The following CALCR variants were observed in gnomAD, a reference collection of about 807,000 sequenced individuals.
CALCR encodes calcitonin receptor.
In CALCR, 47 loss-of-function variants were observed where a neutral mutation model predicts 59.5. The observed-to-expected ratio is 0.79, with a 90% CI of 0.63 to 1.01. The LOEUF (loss-of-function observed/expected upper bound fraction) is 1.01. Ranked by LOEUF, CALCR falls within the 50% of genes least tolerant of loss-of-function variation. The pLI is 0.00. For synonymous variants in CALCR, 213 were observed against 211.3 expected, an observed-to-expected ratio of 1.01 and a Z score of -0.07; for missense variants, 566 against 597.1, an observed-to-expected ratio of 0.95 and a Z score of 0.54.
chr7:93,515,238 T>C (rs1032486527), intron 2 of CALCR, among the ~76,000 whole-genome samples: 4 of 152,026 alleles, frequency 2.6e-5, no homozygotes, highest in Admixed American at 6.6e-5. Context: ...TATGAATTCC[T>C]GTGTGTGGAA....
At chr7:93,450,003 G>A (rs1800078448) in intron 8 of CALCR, among the ~76,000 whole-genome samples, 2 of 151,976 alleles carry the variant, frequency 1.3e-5, no homozygotes, top group Non-Finnish European at 2.9e-5. Context: ...TGTGCCTTTG[G>A]GTATAGGCAA....
At chr7:93,446,502 G>A (rs117638776) in intron 8 of CALCR, among the ~76,000 whole-genome samples, 1 of 151,896 alleles carries the variant, frequency 6.6e-6, no homozygotes, top group Non-Finnish European at 1.5e-5. Context: ...GATATTCAAG[G>A]TAATTCAGTT....
At chr7:93,537,602 A>G (rs539198092) in intron 2 of CALCR, among the ~76,000 whole-genome samples, 1 of 151,978 alleles carries the variant, frequency 6.6e-6, no homozygotes, top group East Asian at 1.9e-4. Context: ...ATTGTATTTC[A>G]AAAATTAACA....
At chr7:93,435,752 G>A (rs1799758637) in intron 12 of CALCR, among the ~76,000 whole-genome samples, 200 bp downstream of exon 12, 1 of 151,334 alleles carries the variant, frequency 6.6e-6, no homozygotes, top group South Asian at 2.1e-4. Flanking sequence ...GTTGCAGTGA[G>A]TTGAGATCAT....
At chr7:93,503,274 C>T (rs1395927473) in intron 2 of CALCR, among the ~76,000 whole-genome samples, 1 of 152,038 alleles carries the variant, frequency 6.6e-6, no homozygotes, top group African/African-American at 2.4e-5. Flanking sequence ...AGGGGAGCAA[C>T]GCTTTGCTCA....
intron 6 of CALCR, among the ~76,000 whole-genome samples, chr7:93,470,863 G>A (rs1254211282): frequency 6.6e-6 from 1 of 151,258 alleles, no homozygotes; most frequent in Non-Finnish European, 1.5e-5. Flanking sequence ...ACATGCTGGT[G>A]CGCTGCACCC....
chr7:93,441,175 C>T (rs889446523), intron 9 of CALCR, among the ~76,000 whole-genome samples: 1 of 152,038 alleles, frequency 6.6e-6, no homozygotes, highest in African/African-American at 2.4e-5. Flanking sequence ...ATGTCACCGA[C>T]AAGAATACAT....
intron 3 of CALCR, among the ~76,000 whole-genome samples, chr7:93,479,774 C>T (rs1800754162): frequency 6.6e-6 from 1 of 151,730 alleles, no homozygotes; most frequent in African/African-American, 2.4e-5. Context: ...ACCTCTTTAT[C>T]AGCTAGGATT....
intron 5 of CALCR, among the ~76,000 whole-genome samples, chr7:93,474,722 T>C (rs186421657): frequency 3.9e-5 from 6 of 151,902 alleles, no homozygotes; most frequent in Admixed American, 3.9e-4. Context: ...TAGATTGGTA[T>C]AATATGCAGG....
chr7:93,542,123 A>G (rs1789159282), intron 2 of CALCR, among the ~76,000 whole-genome samples: 1 of 152,206 alleles, frequency 6.6e-6, no homozygotes, highest in South Asian at 2.1e-4. Context: ...TATGTTGCTT[A>G]ACAACAAAGA....
chr7:93,480,323 T>C (rs1800765943), intron 3 of CALCR, among the ~76,000 whole-genome samples: 1 of 151,924 alleles, frequency 6.6e-6, no homozygotes, highest in African/African-American at 2.4e-5. Context: ...CTATGACCAA[T>C]GTTTTTAGTG....
At chr7:93,468,580 C>T in intron 7 of CALCR, 135 bp downstream of exon 7, 11 of 571,528 alleles carry the variant, frequency 1.9e-5, no homozygotes. Flanking sequence ...TTTCTTGCTA[C>T]TTCATGACTC....
Position 93,426,438 on chromosome 7 carries a change from C to T in CALCR, c.1343G>A (p.Arg448Lys). The change falls in exon 14 of 14, where the codon AGG (arginine) becomes AAG (lysine). Residue 448 changes from arginine to lysine, a missense_variant. Arg to Lys is a conservative substitution (Grantham distance 26). Coordinates refer to ENST00000426151, the MANE Select transcript of CALCR (RefSeq NM_001742.4). The stretch of plus-strand genomic sequence containing the variant: ...GCCTTGGTTGTTGGCTGGTTCATTC[C>T]TCAGCTCCTGATGGCAGATGTAAAT... ...IPIYICHQEL[R>K]NEPANNQGEE... 6.2e-7 allele frequency: 1 copy of T among 1,613,990 alleles called. No homozygotes were observed. The highest frequency in any genetic ancestry group is 8.5e-7 in the Non-Finnish European group (1 of 1,179,896).
chr7:93,457,150 T>C (rs1800224877), intron 8 of CALCR, among the ~76,000 whole-genome samples: 1 of 152,078 alleles, frequency 6.6e-6, no homozygotes, highest in Admixed American at 6.6e-5. Flanking sequence ...GAGCAATTAA[T>C]AGAGTAACAG....
chr7:93,563,668 C>T (rs1789797163), intron 2 of CALCR, among the ~76,000 whole-genome samples: 1 of 152,112 alleles, frequency 6.6e-6, no homozygotes, highest in African/African-American at 2.4e-5. Context: ...ACTTTCTACC[C>T]ATGGATCTGC....
At chr7:93,569,545 C>T (rs1042397651) in intron 2 of CALCR, among the ~76,000 whole-genome samples, 2 of 152,014 alleles carry the variant, frequency 1.3e-5, no homozygotes, top group Admixed American at 6.6e-5. Flanking sequence ...CCCTGATGTC[C>T]GGGCTGGTTG....
chr7:93,485,253 A>G lies in CALCR; in HGVS notation c.51+1678T>C, dbSNP rs114227018. 7.1e-3 allele frequency among the ~76,000 whole-genome samples: 1,083 copies of G among 151,764 alleles called. 18 individuals carry two copies. Among genetic ancestry groups the G allele is most frequent in the African/African-American group, 0.025 (1,040 of 41,492 alleles). ...ACAAACCCATTTAAGTGCCCTGTTC[A>G]GTTATGCTTGCTGGTCAAGAGGTGC... On this transcript the variant is annotated intron_variant, in intron 3 of 13. Transcript: ENST00000426151.
At chr7:93,478,989 A>G (rs1299547758) in intron 4 of CALCR, among the ~76,000 whole-genome samples, 1 of 151,850 alleles carries the variant, frequency 6.6e-6, no homozygotes, top group Non-Finnish European at 1.5e-5. Context: ...CAAGCAAGAT[A>G]GGGTTTGATA....
chr7:93,443,492 C>T (rs1799950972), intron 9 of CALCR, 112 bp downstream of exon 9: 3 of 1,006,946 alleles, frequency 3.0e-6, no homozygotes, highest in Admixed American at 2.5e-5. Context: ...TCCATCATTC[C>T]TTGAAGGACC....
Sources: gnomAD v4.1 joint callset for allele counts (sites outside exome capture counted in the v4.1 genomes callset) on GRCh38, gnomAD v4.1.1 for gene constraint, MANE v1.5 for transcripts, NCBI Gene and HGNC (gene_info 2026-07-23, HGNC 2026-07-21) for gene names.